ARHGEF7: variants seen among roughly 807,000 people sequenced by gnomAD.
ARHGEF7 encodes the protein PAK-interacting exchange factor beta.
ARHGEF7 carries 33 observed loss-of-function variants against 109.8 expected under a neutral mutation model. The ratio of observed to expected loss-of-function variants is 0.30; its 90% confidence interval spans 0.23 to 0.40. The LOEUF (loss-of-function observed/expected upper bound fraction) is 0.40. Ranked by LOEUF, ARHGEF7 falls within the 10% of genes least tolerant of loss-of-function variation. The pLI, the probability that ARHGEF7 is intolerant of heterozygous loss-of-function variation, is 1.00. For synonymous variants in ARHGEF7, 458 were observed against 424.6 expected (o/e 1.08, Z -0.97); for missense variants, 938 against 1,098.5 (o/e 0.85, Z 2.07).
chr13:111,176,347 G>T (rs978701541), intron 2 of ARHGEF7, among the ~76,000 whole-genome samples: 1 of 152,240 alleles, frequency 6.6e-6, no homozygotes, highest in Admixed American at 6.5e-5. Context: ...TGTTTGAGGT[G>T]TGTAAGGCAG....
At chr13:111,167,381 A>C (rs534178396) in intron 2 of ARHGEF7, among the ~76,000 whole-genome samples, 1 of 151,744 alleles carries the variant, frequency 6.6e-6, no homozygotes, top group South Asian at 2.1e-4. Context: ...GTCCTCCCGC[A>C]CTCTCCTTAT....
chr13:111,205,039 AG>A (rs1232342243), intron 2 of ARHGEF7, among the ~76,000 whole-genome samples: 1 of 152,088 alleles, frequency 6.6e-6, no homozygotes, highest in Non-Finnish European at 1.5e-5. Context: ...CACACTCCAG[AG>A]GGGCAGGGGC....
At chr13:111,173,724 C>T (rs1312495911) in intron 2 of ARHGEF7, among the ~76,000 whole-genome samples, 1 of 152,116 alleles carries the variant, frequency 6.6e-6, no homozygotes, top group East Asian at 1.9e-4. Flanking sequence ...CTGCCTCTCC[C>T]CACATTGAAT....
chr13:111,233,514 T>C (rs1170735703), intron 6 of ARHGEF7, among the ~76,000 whole-genome samples: 2 of 152,236 alleles, frequency 1.3e-5, no homozygotes, highest in Non-Finnish European at 2.9e-5. Context: ...TATATGGAAA[T>C]GTCCCTTGCT....
In ARHGEF7 at chr13:111,184,331, C is replaced by T. The variant is rs763362367; in HGVS notation, c.253-20958C>T. On this transcript the variant is annotated intron_variant, in intron 2 of 21. Transcript: ENST00000646102. ...GTATTTCTTCATAGCAGCGTGAGAA[C>T]GGACTAATACAGATGGTTATTGTTG... 1.1e-4 allele frequency among the ~76,000 whole-genome samples: 17 copies of T among 152,310 alleles called. No individual in the cohort carries two copies. In the South Asian group the frequency reaches 1.5e-3, roughly 13 times the overall value.
chr13:111,134,464 G>T, intron 1 of ARHGEF7, among the ~76,000 whole-genome samples: 1 of 152,304 alleles, frequency 6.6e-6, no homozygotes, highest in East Asian at 1.9e-4. Context: ...GTTGTTTCCT[G>T]ACTTTTTAAT....
Position 111,153,914 on chromosome 13 carries a change from G to C in ARHGEF7, c.175G>C (p.Glu59Gln), listed in dbSNP as rs2076077539. The C allele has an allele frequency of 1.2e-6, 2 of 1,604,952 alleles. No homozygotes were observed. The highest frequency in any genetic ancestry group is 1.7e-6 in the Non-Finnish European group (2 of 1,177,068). Residue 59 changes from glutamate to glutamine, a missense_variant, in exon 2 of 22, where the codon GAG (glutamate) becomes CAG (glutamine). Glu to Gln is a conservative substitution (Grantham distance 29, BLOSUM62 2). Around this residue, in one of 4 missense-constraint regions of ARHGEF7, gnomAD observed 165 missense variants for 125.8 expected, o/e 1.31. Coordinates refer to ENST00000646102, the MANE Select transcript of ARHGEF7 (RefSeq NM_001354046.2). ...LPGTIEKVYP[E>Q]PRSESECLSN... ...GTGCTCTGTATTGCAGGTCTACCCCGAGCCCCGGAGCGAGAGCGAGTGCCT... is the reference window on the plus strand; with the variant it reads ...GTGCTCTGTATTGCAGGTCTACCCCCAGCCCCGGAGCGAGAGCGAGTGCCT...
intron 9 of ARHGEF7, among the ~76,000 whole-genome samples, chr13:111,270,117 C>G (rs2092019012): frequency 6.6e-6 from 1 of 152,254 alleles, no homozygotes; most frequent in African/African-American, 2.4e-5. Flanking sequence ...TTTAGCAGCT[C>G]AGACCTTCTG....
chr13:111,122,460 A>G (rs1566588530), intron 1 of ARHGEF7, among the ~76,000 whole-genome samples: 1 of 152,138 alleles, frequency 6.6e-6, no homozygotes, highest in African/African-American at 2.4e-5. Flanking sequence ...TGATGTTTTT[A>G]TATTTCTAAC....
intron 2 of ARHGEF7, among the ~76,000 whole-genome samples, chr13:111,173,508 C>A (rs983062869): frequency 2.6e-5 from 4 of 152,208 alleles, no homozygotes; most frequent in African/African-American, 9.7e-5. Flanking sequence ...TGCTCTGTAG[C>A]GTAAGCTCAG....
At chr13:111,139,480 C>T (rs78158274) in intron 1 of ARHGEF7, among the ~76,000 whole-genome samples, 2,034 of 152,316 alleles carry the variant, frequency 0.013, 51 homozygotes, top group African/African-American at 0.047. Context: ...GCCTCCAGAG[C>T]GTGTTTTGTC....
At chr13:111,186,096 A>G (rs1044541657) in intron 2 of ARHGEF7, among the ~76,000 whole-genome samples, 1 of 151,878 alleles carries the variant, frequency 6.6e-6, no homozygotes, top group Non-Finnish European at 1.5e-5. Flanking sequence ...GGTCCTAAGC[A>G]GGGAGGTGTC....
At chr13:111,292,803 G>A (rs1393456730) in intron 19 of ARHGEF7, 3 of 993,748 alleles carry the variant, frequency 3.0e-6, no homozygotes, top group East Asian at 2.2e-4. Flanking sequence ...GAGATGAGAA[G>A]AATATATGCA....
chr13:111,266,989 C>T lies in ARHGEF7; in HGVS notation c.951-559C>T, dbSNP rs2091702983. 1 of 445,010 alleles carries T rather than the reference C, an allele frequency of 2.2e-6. No individual in the cohort carries two copies. The highest frequency in any genetic ancestry group is 4.6e-6 in the Non-Finnish European group (1 of 218,554). 27.6% of individuals were successfully genotyped at this position (445,010 alleles called of 1,614,324 possible). A position where few individuals can be genotyped will look rare whatever the true frequency, so the allele number is the denominator to read the frequency against. On this transcript the variant is annotated intron_variant, in intron 8 of 21. Transcript: ENST00000646102. This position sits in a 1 kb window ranked among gnomAD's most constrained non-coding sequence, Gnocchi z 4.8. ...GACTTGTCACCCCTCATGCAGCTTC[C>T]AGTGCTGGTTCTGGTAGTCTCTTCC...
chr13:111,175,079 C>T (rs2078006050), intron 2 of ARHGEF7, among the ~76,000 whole-genome samples: 1 of 152,250 alleles, frequency 6.6e-6, no homozygotes, highest in Admixed American at 6.5e-5. Context: ...CAAGGTAGAT[C>T]TGCCTTCTGG....
intron 2 of ARHGEF7, among the ~76,000 whole-genome samples, chr13:111,204,843 G>A (rs2081594509): frequency 6.6e-6 from 1 of 152,196 alleles, no homozygotes; most frequent in Non-Finnish European, 1.5e-5. Flanking sequence ...TTCTTTTGCT[G>A]CTGTTAGCTT....
chr13:111,123,420 A>C (rs1328841863), intron 1 of ARHGEF7, among the ~76,000 whole-genome samples: 2 of 152,164 alleles, frequency 1.3e-5, no homozygotes, highest in African/African-American at 2.4e-5. Context: ...CTGCACCAGC[A>C]GGCCCGGACC....
At chr13:111,155,139 G>T (rs938151403) in intron 2 of ARHGEF7, among the ~76,000 whole-genome samples, 7 of 152,180 alleles carry the variant, frequency 4.6e-5, no homozygotes, top group African/African-American at 1.7e-4. Context: ...AAAGACTTGA[G>T]CATCTGAGGG....
intron 1 of ARHGEF7, among the ~76,000 whole-genome samples, chr13:111,121,497 G>T (rs1313975354): frequency 2.0e-5 from 3 of 152,236 alleles, no homozygotes; most frequent in Non-Finnish European, 4.4e-5. Flanking sequence ...GAGTGGAGGC[G>T]ATGGGGGCTG....
Sources: gnomAD v4.1 joint callset for allele counts (sites outside exome capture counted in the v4.1 genomes callset) on GRCh38, gnomAD v4.1.1 for gene constraint, gnomAD v4.1.1 regional missense constraint, Gnocchi (gnomAD v3.1) non-coding constraint, MANE v1.5 for transcripts, NCBI Gene and HGNC (gene_info 2026-07-23, HGNC 2026-07-21) for gene names.